PACS1: variants seen among roughly 807,000 people sequenced by gnomAD.
PACS1 encodes phosphofurin acidic cluster sorting protein 1.
A neutral mutation model predicts 115.0 loss-of-function variants in PACS1; 24 were observed. The ratio of observed to expected loss-of-function variants is 0.21; its 90% CI spans 0.15 to 0.29. The LOEUF is 0.29. Among genes scored for constraint, PACS1 ranks in the 10% least tolerant of loss-of-function variants. The probability of loss-of-function intolerance (pLI) is 1.00; values close to 1 mark genes in which losing one functional copy is unlikely to be tolerated. For missense variants in PACS1, 838 were observed against 1,251.2 expected (o/e 0.67, Z 4.98); for synonymous variants, 453 against 504.5 (o/e 0.90, Z 1.37).
chr11:66,175,583 G>A (rs7943911), intron 1 of PACS1, among the ~76,000 whole-genome samples: 31,259 of 152,092 alleles, frequency 0.21, 3,297 homozygotes, highest in Middle Eastern at 0.28. Context: ...GCTACGTTTT[G>A]TGTAAGTTGT....
Position 66,185,318 on chromosome 11 carries a change from C to T in PACS1, c.357-8168C>T, listed in dbSNP as rs545671074. ...GGAAGATTATTTCTCAGCTGAGTAA[C>T]GTGGGATCCTCCTTTAAAAGTCCTT... On this transcript the variant is annotated intron_variant, in intron 1 of 23. Coordinates refer to ENST00000320580, the MANE Select transcript of PACS1 (RefSeq NM_018026.4). 2.6e-5 allele frequency among the ~76,000 whole-genome samples: 4 copies of T among 152,240 alleles called. 1 individual carries two copies. The highest frequency in any genetic ancestry group is 7.2e-5 in the African/African-American group (3 of 41,524).
intron 2 of PACS1, among the ~76,000 whole-genome samples, chr11:66,194,493 A>G (rs1476654509): frequency 6.6e-6 from 1 of 152,196 alleles, no homozygotes; most frequent in Non-Finnish European, 1.5e-5. Flanking sequence ...GGGCTCAGGA[A>G]TTTACCTGTT....
chr11:66,237,119 A>C (rs1208458672), intron 19 of PACS1, among the ~76,000 whole-genome samples: 1 of 152,048 alleles, frequency 6.6e-6, no homozygotes, highest in Non-Finnish European at 1.5e-5. Flanking sequence ...GGGTTTCACC[A>C]TGTTGGCCAG....
chr11:66,242,013 A>G (rs1855825808), intron 22 of PACS1, among the ~76,000 whole-genome samples: 1 of 152,218 alleles, frequency 6.6e-6, no homozygotes, highest in Admixed American at 6.5e-5. Context: ...CCTGTGACGC[A>G]GGAGTAGAGA....
At chr11:66,186,994 C>T (rs1378185029) in intron 1 of PACS1, among the ~76,000 whole-genome samples, 2 of 152,234 alleles carry the variant, frequency 1.3e-5, no homozygotes, top group East Asian at 1.9e-4. Flanking sequence ...TAAGACAGTA[C>T]GTGGTCTTTT....
chr11:66,238,810 A>G lies in PACS1; in HGVS notation c.2257A>G (p.Lys753Glu). The G allele has an allele frequency of 6.3e-7, 1 of 1,588,448 alleles. No homozygotes were observed. Among genetic ancestry groups the G allele is most frequent in the Non-Finnish European group, 8.6e-7 (1 of 1,165,450 alleles). ...GCCTCTTCTCTCCTTGCAGGTGGTGAAGGTGGGTCTGGTTGAAGACTCTCC... is the reference window on the plus strand; with the variant it reads ...GCCTCTTCTCTCCTTGCAGGTGGTGGAGGTGGGTCTGGTTGAAGACTCTCC... ...QKFIPFIGVV[K>E]VGLVEDSPST... The change falls in exon 20 of 24, where the codon AAG (lysine) becomes GAG (glutamate). Residue 753 changes from lysine (K) to glutamate (E), a missense_variant. By Grantham distance (56) the Lys-to-Glu change is moderately conservative. This residue lies in a region of PACS1 where 383 missense variants were observed against 537.0 expected (regional missense o/e 0.71). Coordinates refer to ENST00000320580, the MANE Select transcript of PACS1 (RefSeq NM_018026.4).
chr11:66,157,839 G>C (rs1859395954), intron 1 of PACS1, among the ~76,000 whole-genome samples: 1 of 125,120 alleles, frequency 8.0e-6, no homozygotes, highest in African/African-American at 2.8e-5. Flanking sequence ...AAATTGACTA[G>C]CCTATGGGAA....
At chr11:66,212,436 CT>C (rs762291488) in intron 4 of PACS1, among the ~76,000 whole-genome samples, 504 of 131,986 alleles carry the variant, frequency 3.8e-3, no homozygotes, top group Admixed American at 3.9e-3. Flanking sequence ...CTGGCCTTAA[CT>C]TTTTTTTTTT....
Position 66,221,238 on chromosome 11 carries a change from C to T in PACS1, c.1284C>T (p.Thr428=). The T allele has an allele frequency of 6.2e-7, 1 of 1,614,190 alleles. No individual in the cohort carries two copies. The highest frequency in any genetic ancestry group is 8.5e-7 in the Non-Finnish European group (1 of 1,180,004). The change falls in exon 10 of 24, where the codon ACC becomes ACT. Residue 428 remains threonine (T), a synonymous_variant. Transcript: ENST00000320580. Reference sequence around the variant, plus strand: ...GCAAAGGCAGCCTCGGAAAAGACACCACCAGCCCTGTGAGCGCAACCGCGA... The same window carrying T: ...GCAAAGGCAGCCTCGGAAAAGACACTACCAGCCCTGTGAGCGCAACCGCGA... ...LNSKGSLGKD[T]TSPMELAALE...
intron 2 of PACS1, among the ~76,000 whole-genome samples, chr11:66,207,431 T>G (rs1002661106): frequency 6.6e-6 from 1 of 152,214 alleles, no homozygotes; most frequent in African/African-American, 2.4e-5. Context: ...CACACTACTG[T>G]ACTCCAGCCT....
At chr11:66,231,586 C>G (rs1418872421) in intron 13 of PACS1, among the ~76,000 whole-genome samples, 1 of 152,172 alleles carries the variant, frequency 6.6e-6, no homozygotes, top group Non-Finnish European at 1.5e-5. Flanking sequence ...GATAACTTAC[C>G]AAGTGCATTG....
chr11:66,214,129 T>C (rs1855143064), intron 4 of PACS1, among the ~76,000 whole-genome samples: 1 of 150,430 alleles, frequency 6.6e-6, no homozygotes, highest in African/African-American at 2.4e-5. Flanking sequence ...CTCTCAATCC[T>C]AACAGGAAGA....
rs10400266 is a variant in PACS1 at position 66,200,048 on chromosome 11, C to A, written c.444+6475C>A. Among the ~76,000 whole-genome samples, 300 of 142,486 alleles carry A rather than the reference C, an allele frequency of 2.1e-3. 1 individual carries two copies. The highest frequency in any genetic ancestry group is 0.012 in the East Asian group (55 of 4,644). 93.5% of individuals were successfully genotyped at this position (142,486 alleles called of 152,430 possible). Reference sequence around the variant, plus strand: ...AAACAAAAACAAAAACAAAACAAAACAAAAAAAAAAACAAGACCCAGCTAG... The same window carrying A: ...AAACAAAAACAAAAACAAAACAAAAAAAAAAAAAAAACAAGACCCAGCTAG... On this transcript the variant is annotated intron_variant, in intron 2 of 23. Transcript: ENST00000320580.
chr11:66,120,828 G>A (rs367914612), intron 1 of PACS1, among the ~76,000 whole-genome samples: 58 of 152,274 alleles, frequency 3.8e-4, no homozygotes, highest in African/African-American at 1.3e-3. Context: ...TCCTCTGTCT[G>A]CTAGAACTCC....
rs1855881314 is a variant in PACS1 at position 66,244,478 on chromosome 11, A to AC, written c.*1204dup. 2 of 151,658 alleles carry AC rather than the reference A, an allele frequency of 1.3e-5. No homozygotes were observed. Among genetic ancestry groups the AC allele is most frequent in the Non-Finnish European group, 2.9e-5 (2 of 68,016 alleles). 9.4% of individuals were successfully genotyped at this position (151,658 alleles called of 1,614,324 possible). On this transcript the variant is annotated 3_prime_UTR_variant, in exon 24 of 24. Transcript: ENST00000320580. ...ACAGGGCCCCAGCCCAGCCCTCTGCACCCCCCAGCCCGGCCATCTGCGCCC... is the reference window on the plus strand; with the variant it reads ...ACAGGGCCCCAGCCCAGCCCTCTGCACCCCCCCAGCCCGGCCATCTGCGCCC...
At chr11:66,160,195 A>T (rs1355642126) in intron 1 of PACS1, among the ~76,000 whole-genome samples, 2 of 152,200 alleles carry the variant, frequency 1.3e-5, no homozygotes, top group African/African-American at 2.4e-5. Flanking sequence ...TTTTATATCT[A>T]ATTTAGGCAG....
chr11:66,237,676 C>T (rs2134746458), intron 19 of PACS1, among the ~76,000 whole-genome samples: 1 of 152,328 alleles, frequency 6.6e-6, no homozygotes, highest in South Asian at 2.1e-4. Context: ...CTTCGTGGAG[C>T]TGTGAGTTGC....
At chr11:66,084,499 A>G (rs901450870) in intron 1 of PACS1, among the ~76,000 whole-genome samples, 5 of 151,854 alleles carry the variant, frequency 3.3e-5, no homozygotes, top group African/African-American at 1.2e-4. Flanking sequence ...ACCCCTGACC[A>G]CTGTGTGTGG....
At chr11:66,223,202 C>T (rs879423813) in intron 10 of PACS1, among the ~76,000 whole-genome samples, 12 of 152,084 alleles carry the variant, frequency 7.9e-5, no homozygotes, top group Admixed American at 1.3e-4. Flanking sequence ...CAGCGATTCT[C>T]CTGCCTCAGC....
Sources: gnomAD v4.1 joint callset for allele counts (sites outside exome capture counted in the v4.1 genomes callset) on GRCh38, gnomAD v4.1.1 for gene constraint, gnomAD v4.1.1 regional missense constraint, MANE v1.5 for transcripts, NCBI Gene and HGNC (gene_info 2026-07-23, HGNC 2026-07-21) for gene names.